The following TRIOBP variants were observed in gnomAD, a reference collection of about 807,000 sequenced individuals.
TRIOBP encodes TRIO and F-actin-binding protein.
In TRIOBP, 169 loss-of-function variants were observed where a neutral mutation model predicts 238.8. The observed-to-expected ratio is 0.71, with a 90% confidence interval of 0.62 to 0.80. The LOEUF is 0.80. TRIOBP is among the 30% of genes least tolerant of loss of function. TRIOBP has a pLI of 0.00. For synonymous variants in TRIOBP, 1,150 were observed against 1,274.4 expected, an observed-to-expected ratio of 0.90 and a Z score of 2.08; for missense variants, 2,838 against 3,122.6, an observed-to-expected ratio of 0.91 and a Z score of 2.17.
rs992879564 is a variant in TRIOBP at position 37,725,895 on chromosome 22, T to C, written c.3339T>C (p.Cys1113=). ...HEPLQLPAPV[C]IGYRDAPRAS... ...CCCTTCAGCTCCCTGCACCTGTGTG[T>C]ATTGGGTACCGAGATGCACCCCGGG... is the stretch of plus-strand genomic sequence containing the variant. The change falls in exon 7 of 24, where the codon TGT becomes TGC. Residue 1113 remains cysteine (C), a synonymous_variant. Coordinates refer to ENST00000644935, the MANE Select transcript of TRIOBP (RefSeq NM_001039141.3). The C allele has an allele frequency of 1.2e-6, 2 of 1,604,894 alleles. No homozygotes were observed. The highest frequency in any genetic ancestry group is 1.7e-5 in the Admixed American group (1 of 59,238).
chr22:37,734,433 C>T lies in TRIOBP; in HGVS notation c.4097C>T (p.Thr1366Ile), dbSNP rs764033900. The T allele has an allele frequency of 1.9e-6, 3 of 1,613,228 alleles. No individual in the cohort carries two copies. In the East Asian group the frequency reaches 6.7e-5, roughly 36 times the overall value. Residue 1366 changes from threonine (T) to isoleucine (I), a missense_variant, in exon 9 of 24, where the codon ACC becomes ATC. Coordinates refer to ENST00000644935, the MANE Select transcript of TRIOBP (RefSeq NM_001039141.3). ...CTCCCTGCCAAACAGGCAGAACTGA[C>T]CCGGCGGAGCCAAGCAGAGCCCCCT... ...TMLPAKQAEL[T>I]RRSQAEPPHP...
intron 17 of TRIOBP, among the ~76,000 whole-genome samples, chr22:37,762,599 G>A (rs935768960): frequency 3.3e-5 from 5 of 152,296 alleles, no homozygotes; most frequent in South Asian, 2.1e-4. Flanking sequence ...GTTTGGTCCC[G>A]TTAGGGTGGG....
intron 16 of TRIOBP, 25 bp from the exon 17 acceptor site, chr22:37,759,129 C>T (rs1345839835): frequency 6.3e-7 from 1 of 1,586,898 alleles, no homozygotes; most frequent in Admixed American, 1.8e-5. Flanking sequence ...TTCCAGGTCC[C>T]ACTGACCACC....
chr22:37,771,711 G>A lies in TRIOBP; in HGVS notation c.6911G>A (p.Arg2304Gln), dbSNP rs759245759. ...CTAAAGAAGGAGGTGCAGTGCCTCC[G>A]GGACGAGCTCCAGATGATGCAGAAG... ...QYLKKEVQCL[R>Q]DELQMMQKDK... The change falls in exon 22 of 24, where the codon CGG becomes CAG. Residue 2304 changes from arginine to glutamine, a missense_variant. Arg to Gln is a conservative substitution (Grantham distance 43, BLOSUM62 1). Around this residue, in one of 5 missense-constraint regions of TRIOBP, gnomAD observed 2,096 missense variants for 2,137.4 expected, o/e 0.98. Coordinates refer to ENST00000644935, the MANE Select transcript of TRIOBP (RefSeq NM_001039141.3). 26 of 1,613,964 alleles carry A rather than the reference G, an allele frequency of 1.6e-5. No individual in the cohort carries two copies. In the East Asian group the frequency reaches 2.0e-4, roughly 12 times the overall value.
chr22:37,701,493 C>T lies in TRIOBP; in HGVS notation c.114+14C>T, dbSNP rs1175927940. On this transcript the variant is annotated intron_variant, in intron 3 of 23. Transcript: ENST00000644935. ...GCAAGATACCAGGTGGGCCAGTTTT[C>T]CACGTGGTTGGGGTGGTTTGTGATG... is the stretch of plus-strand genomic sequence containing the variant. 1.3e-6 allele frequency: 2 copies of T among 1,593,352 alleles called. No homozygotes were observed. Among genetic ancestry groups the T allele is most frequent in the Non-Finnish European group, 1.7e-6 (2 of 1,166,588 alleles).
intron 11 of TRIOBP, among the ~76,000 whole-genome samples, chr22:37,746,070 C>T (rs868560301): frequency 1.0e-4 from 15 of 148,416 alleles, no homozygotes; most frequent in South Asian, 2.1e-4. Context: ...TCCCGCCGCC[C>T]CGCCGCCCTA....
At chr22:37,707,369 C>G (rs1014993832) in intron 3 of TRIOBP, among the ~76,000 whole-genome samples, 4 of 152,164 alleles carry the variant, frequency 2.6e-5, no homozygotes, top group African/African-American at 9.7e-5. Context: ...TCCTCTGCCA[C>G]TCTGGACCTA....
chr22:37,715,565 G>C (rs1043767409), intron 5 of TRIOBP, among the ~76,000 whole-genome samples, 198 bp from the exon 6 acceptor site: 7 of 151,280 alleles, frequency 4.6e-5, no homozygotes, highest in African/African-American at 1.7e-4. Flanking sequence ...GGATGGTCTC[G>C]ATCTCCTGAC....
chr22:37,748,605 C>T (rs1925408742), intron 11 of TRIOBP, among the ~76,000 whole-genome samples: 2 of 151,896 alleles, frequency 1.3e-5, no homozygotes, highest in South Asian at 4.1e-4. Context: ...TTTCTGCAAA[C>T]ACTCCCTGAG....
chr22:37,727,274 G>A (rs62236750), intron 7 of TRIOBP, among the ~76,000 whole-genome samples: 53,113 of 148,470 alleles, frequency 0.36, 10,587 homozygotes, highest in East Asian at 0.6. Context: ...TTTCTTCCGT[G>A]CATGAGGGAG....
chr22:37,767,438 C>T (rs1310067855), intron 18 of TRIOBP, among the ~76,000 whole-genome samples: 1 of 152,198 alleles, frequency 6.6e-6, no homozygotes, highest in Non-Finnish European at 1.5e-5. Context: ...TAGGAGCTCA[C>T]AATCTGAGAA....
At chr22:37,716,910 A>G (rs2145825514) in intron 6 of TRIOBP, among the ~76,000 whole-genome samples, 1 of 152,348 alleles carries the variant, frequency 6.6e-6, no homozygotes, top group South Asian at 2.1e-4. Flanking sequence ...TCACTGGCGG[A>G]TGCAAAATCC....
chr22:37,748,116 G>A (rs1401521250), intron 11 of TRIOBP, among the ~76,000 whole-genome samples: 1 of 152,210 alleles, frequency 6.6e-6, no homozygotes, highest in Non-Finnish European at 1.5e-5. Context: ...GAAGGGGTCT[G>A]GGGAGGAGGG....
At chr22:37,746,107 C>CA (rs1325909786) in intron 11 of TRIOBP, 1 of 875,290 alleles carries the variant, frequency 1.1e-6, no homozygotes, top group East Asian at 9.6e-5. Flanking sequence ...GCGGCAGGTC[C>CA]CGCCCCCGGC....
intron 5 of TRIOBP, among the ~76,000 whole-genome samples, chr22:37,715,405 C>T (rs1031561670): frequency 6.6e-6 from 1 of 151,658 alleles, no homozygotes; most frequent in Non-Finnish European, 1.5e-5. Context: ...CTCAGTGGCG[C>T]GATCTCCACT....
chr22:37,746,042 C>T (rs1015028888), intron 11 of TRIOBP, among the ~76,000 whole-genome samples: 2 of 136,970 alleles, frequency 1.5e-5, no homozygotes, highest in Non-Finnish European at 3.3e-5. Flanking sequence ...CCCATCCGCC[C>T]ACCCCGCCGT....
intron 11 of TRIOBP, among the ~76,000 whole-genome samples, chr22:37,741,237 G>C (rs968248799): frequency 6.6e-6 from 1 of 152,234 alleles, no homozygotes; most frequent in Non-Finnish European, 1.5e-5. Flanking sequence ...TCCGGGGCAG[G>C]CTTGGGGGCT....
intron 17 of TRIOBP, among the ~76,000 whole-genome samples, chr22:37,764,959 G>A (rs1232260335): frequency 6.6e-6 from 1 of 152,166 alleles, no homozygotes; most frequent in Admixed American, 6.5e-5. Context: ...CTGCAGGTCA[G>A]TAAATTACCC....
chr22:37,758,779 C>T (rs994635510), intron 16 of TRIOBP, among the ~76,000 whole-genome samples: 1 of 152,168 alleles, frequency 6.6e-6, no homozygotes, highest in African/African-American at 2.4e-5. Context: ...ATCCTCACAG[C>T]GGCCTCTACC....
Sources: allele counts gnomAD v4.1 joint callset (sites outside exome capture counted in the v4.1 genomes callset), GRCh38; gene constraint gnomAD v4.1.1; regional missense constraint gnomAD v4.1.1; transcripts MANE v1.5; gene names NCBI Gene and HGNC (gene_info 2026-07-23, HGNC 2026-07-21).